Variants in NOL10 observed in about 807,000 individuals in gnomAD.
The protein encoded by NOL10 is nucleolar protein 10, also known as H_NH0074G24.1.
Under a neutral mutation model 103.5 loss-of-function variants are expected in NOL10, and 58 were observed. The ratio of observed to expected loss-of-function variants is 0.56; its 90% CI spans 0.45 to 0.70. NOL10 has a LOEUF of 0.70. NOL10 is among the 30% of genes least tolerant of loss of function. The pLI, the probability that NOL10 is intolerant of heterozygous loss-of-function variation, is 0.00. For synonymous variants in NOL10, 287 were observed against 282.5 expected, an observed-to-expected ratio of 1.02 and a Z score of -0.16; for missense variants, 763 against 807.3, an observed-to-expected ratio of 0.95 and a Z score of 0.67.
intron 13 of NOL10, among the ~76,000 whole-genome samples, chr2:10,638,319 T>TAAC (rs1436137006): frequency 1.1e-3 from 141 of 127,534 alleles, no homozygotes; most frequent in African/African-American, 5.4e-3. Context: ...TGACGTGACG[T>TAAC]GACGTGACGT....
chr2:10,650,711 G>C (rs950790907), intron 12 of NOL10, among the ~76,000 whole-genome samples: 2 of 152,072 alleles, frequency 1.3e-5, no homozygotes, highest in African/African-American at 4.8e-5. Flanking sequence ...AGCTATAATT[G>C]TGCCACTACA....
intron 12 of NOL10, among the ~76,000 whole-genome samples, chr2:10,645,819 G>A (rs1679026776): frequency 2.6e-5 from 4 of 151,920 alleles, no homozygotes; most frequent in African/African-American, 9.7e-5. Context: ...ATGAGCCACC[G>A]CATCTGGCCT....
intron 1 of NOL10, 138 bp downstream of exon 1, chr2:10,689,655 AGCC>A: frequency 1.3e-6 from 1 of 777,794 alleles, no homozygotes; most frequent in South Asian, 1.8e-5. Context: ...GGAAATTGTC[AGCC>A]GCCTCTGGGC....
intron 13 of NOL10, among the ~76,000 whole-genome samples, chr2:10,630,910 C>A (rs1231058779): frequency 1.3e-5 from 2 of 152,170 alleles, no homozygotes; most frequent in Non-Finnish European, 2.9e-5. Context: ...TACATTCTGT[C>A]TGGAACATCG....
chr2:10,602,196 C>T (rs1447156158), intron 16 of NOL10, among the ~76,000 whole-genome samples: 7 of 152,262 alleles, frequency 4.6e-5, no homozygotes, highest in African/African-American at 1.7e-4. Context: ...GGCCTGGGTC[C>T]AGCTCCACGG....
intron 13 of NOL10, among the ~76,000 whole-genome samples, chr2:10,640,508 T>G (rs556729084): frequency 6.6e-6 from 1 of 152,334 alleles, no homozygotes; most frequent in Admixed American, 6.5e-5. Context: ...TCTGGATGTT[T>G]TTTTCACAGC....
rs557725217 is a variant in NOL10, at chr2:10,575,482, A to G, written c.1947+2154T>C. ...AAGTAAGGAAACACACACATCAAAC[A>G]TTAATTGACACAGTCCTCAAAACAG... On this transcript the variant is annotated intron_variant, in intron 20 of 20. Coordinates refer to ENST00000381685, the MANE Select transcript of NOL10 (RefSeq NM_024894.4). 9.4e-4 allele frequency among the ~76,000 whole-genome samples: 143 copies of G among 152,360 alleles called. 1 individual carries two copies. The highest frequency in any genetic ancestry group is 3.3e-3 in the African/African-American group (138 of 41,594).
intron 12 of NOL10, among the ~76,000 whole-genome samples, chr2:10,647,180 T>C (rs978947032): frequency 1.3e-5 from 1 of 79,116 alleles, no homozygotes; most frequent in African/African-American, 6.7e-5. Context: ...CAGTACACTA[T>C]AGTGTATAGT....
chr2:10,660,715 T>G (rs1223475331), intron 9 of NOL10, among the ~76,000 whole-genome samples: 1 of 152,196 alleles, frequency 6.6e-6, no homozygotes, highest in Non-Finnish European at 1.5e-5. Flanking sequence ...AGGTCACTGA[T>G]TTTTGAACAT....
chr2:10,674,786 A>G (rs1352918283), intron 4 of NOL10, among the ~76,000 whole-genome samples: 1 of 152,230 alleles, frequency 6.6e-6, no homozygotes. Context: ...ACAGTGAGCC[A>G]AGATTGTGCC....
intron 6 of NOL10, 87 bp downstream of exon 6, chr2:10,671,467 T>A: frequency 1.9e-6 from 2 of 1,080,566 alleles, no homozygotes; most frequent in Non-Finnish European, 2.5e-6. Flanking sequence ...GCAAGTTACC[T>A]AAACAGAGAA....
Position 10,577,715 on chromosome 2 carries a change from T to G in NOL10, c.1868A>C (p.Lys623Thr). 1 of 1,611,166 alleles carries G rather than the reference T, an allele frequency of 6.2e-7. No homozygotes were observed. Among genetic ancestry groups the G allele is most frequent in the Admixed American group, 1.7e-5 (1 of 59,758 alleles). The stretch of plus-strand genomic sequence containing the variant: ...CAATGTCCCATTTTTTGCTTCAATT[T>G]TCAAACGATCTTCAAGGGTTTTGCT... ...LMNKTLEDRL[K>T]IEAKNGTLSV... The change falls in exon 20 of 21, where the codon AAA becomes ACA. Residue 623 changes from lysine to threonine, a missense_variant. Transcript: ENST00000381685.
intron 13 of NOL10, among the ~76,000 whole-genome samples, chr2:10,635,597 T>A (rs1451883957): frequency 6.6e-6 from 1 of 152,088 alleles, no homozygotes; most frequent in African/African-American, 2.4e-5. Flanking sequence ...TTAGGGAAAA[T>A]GCGTAGGAAG....
intron 13 of NOL10, 103 bp downstream of exon 13, chr2:10,644,217 C>T (rs1325062442): frequency 2.5e-6 from 2 of 814,688 alleles, no homozygotes; most frequent in Admixed American, 3.5e-5. Context: ...CACTGCACCC[C>T]AGCATCGGTG....
At chr2:10,652,851 G>T (rs182828346) in intron 12 of NOL10, among the ~76,000 whole-genome samples, 1 of 152,148 alleles carries the variant, frequency 6.6e-6, no homozygotes, top group Non-Finnish European at 1.5e-5. Context: ...ACAAGTCTGC[G>T]GATCGGTTCA....
At chr2:10,670,916 T>G (rs1188795028) in intron 6 of NOL10, among the ~76,000 whole-genome samples, 1 of 152,256 alleles carries the variant, frequency 6.6e-6, no homozygotes, top group Non-Finnish European at 1.5e-5. Flanking sequence ...AATAAACTTT[T>G]GTTCAGAATT....
chr2:10,667,793 C>G (rs1680652843), intron 7 of NOL10, among the ~76,000 whole-genome samples: 1 of 150,846 alleles, frequency 6.6e-6, no homozygotes, highest in Non-Finnish European at 1.5e-5. Context: ...AGAGGACACT[C>G]AATATAATGC....
intron 8 of NOL10, among the ~76,000 whole-genome samples, chr2:10,665,203 T>C (rs555003622): frequency 6.6e-6 from 1 of 152,332 alleles, no homozygotes; most frequent in East Asian, 1.9e-4. Context: ...CTTCTATGTC[T>C]TCTCAAAATG....
intron 19 of NOL10, among the ~76,000 whole-genome samples, chr2:10,585,034 T>C (rs1456622031): frequency 1.3e-5 from 2 of 152,210 alleles, no homozygotes; most frequent in Non-Finnish European, 2.9e-5. Flanking sequence ...CAGATTTTCC[T>C]GGTCAATGGC....
Sources: gnomAD v4.1 joint callset for allele counts (sites outside exome capture counted in the v4.1 genomes callset) on GRCh38, gnomAD v4.1.1 for gene constraint, MANE v1.5 for transcripts, NCBI Gene and HGNC (gene_info 2026-07-23, HGNC 2026-07-21) for gene names.